LRIT1: variants seen among roughly 807,000 people sequenced by gnomAD.
LRIT1 encodes leucine rich repeat, Ig-like and transmembrane domains 1, also known as leucine-rich repeat, immunoglobulin-like domain and transmembrane domain-containing protein 1.
Under a neutral mutation model 24.0 loss-of-function variants are expected in LRIT1, and 23 were observed. The ratio of observed to expected loss-of-function variants is 0.96; its 90% confidence interval spans 0.69 to 1.36. The LOEUF (loss-of-function observed/expected upper bound fraction) is 1.36, where lower values mean the gene tolerates loss of function less well. Ranked by LOEUF, LRIT1 falls within the 40% of genes most tolerant of loss-of-function variation. The pLI, the probability that LRIT1 is intolerant of heterozygous loss-of-function variation, is 0.00. For synonymous variants in LRIT1, 361 were observed against 340.5 expected (o/e 1.06, Z -0.66); for missense variants, 846 against 806.3 (o/e 1.05, Z -0.60).
In LRIT1 at chr10:84,241,319, T is replaced by C. The variant is rs760142388; in HGVS notation, c.121A>G (p.Arg41Gly). 1 of 1,613,856 alleles carries C rather than the reference T, an allele frequency of 6.2e-7. No homozygotes were observed. Among genetic ancestry groups the C allele is most frequent in the Non-Finnish European group, 8.5e-7 (1 of 1,179,912 alleles). The change falls in exon 1 of 4, where the codon AGG becomes GGG. Residue 41 changes from arginine to glycine, a missense_variant and splice_region_variant. Coordinates refer to ENST00000372105, the MANE Select transcript of LRIT1 (RefSeq NM_015613.3). ...CGTCCCACGCACCCGGTACCATACCTGGCCTTGCTGCCATCACCCATGATA... is the reference window on the plus strand; with the variant it reads ...CGTCCCACGCACCCGGTACCATACCCGGCCTTGCTGCCATCACCCATGATA... ...LHIMGDGSKA[R>G]TVVCNDPDMT...
chr10:84,232,503 C>T lies in LRIT1; in HGVS notation c.1296G>A (p.Arg432=). 6.2e-7 allele frequency: 1 copy of T among 1,614,204 alleles called. No homozygotes were observed. Among genetic ancestry groups the T allele is most frequent in the Non-Finnish European group, 8.5e-7 (1 of 1,180,038 alleles). The change falls in exon 4 of 4, where the codon AGG becomes AGA. Residue 432 remains arginine (R), a synonymous_variant. Transcript: ENST00000372105. The part of the protein sequence containing the change: ...RAGPSEARMV[R]SVKVVGDTYH... ...AAGTGTCCCCCACCACCTTCACAGA[C>T]CTCACCATTCGTGCCTCTGAGGGTC...
At chr10:84,236,297 A>G (rs971504109) in intron 2 of LRIT1, among the ~76,000 whole-genome samples, 2 of 147,338 alleles carry the variant, frequency 1.4e-5, no homozygotes, top group Non-Finnish European at 3.0e-5. Context: ...CTCCGTCTCA[A>G]AAAAAAAAAA....
In LRIT1 at chr10:84,237,694, C is replaced by T; in HGVS notation, c.123-8G>A. 6.4e-7 allele frequency: 1 copy of T among 1,572,464 alleles called. No individual in the cohort carries two copies. The highest frequency in any genetic ancestry group is 8.6e-7 in the Non-Finnish European group (1 of 1,161,036). On this transcript the variant is annotated splice_region_variant and splice_polypyrimidine_tract_variant and intron_variant, in intron 1 of 3. Coordinates refer to ENST00000372105, the MANE Select transcript of LRIT1 (RefSeq NM_015613.3). ...TCGTTGCACACTACTGTCCTGCTGGCAGAAATGAGGGATAGTTGAGCAAGG... is the reference window on the plus strand; with the variant it reads ...TCGTTGCACACTACTGTCCTGCTGGTAGAAATGAGGGATAGTTGAGCAAGG...
chr10:84,238,631 AC>A (rs1318397857), intron 1 of LRIT1, among the ~76,000 whole-genome samples: 1 of 151,960 alleles, frequency 6.6e-6, no homozygotes, highest in Non-Finnish European at 1.5e-5. Flanking sequence ...CATCAAATAG[AC>A]CCCACAAGGT....
Position 84,241,491 on chromosome 10 carries a change from G to A in LRIT1, c.-52C>T, listed in dbSNP as rs773076993. 7.9e-5 allele frequency: 112 copies of A among 1,424,292 alleles called. No homozygotes were observed. Among genetic ancestry groups the A allele is most frequent in the South Asian group, 4.1e-4 (28 of 68,398 alleles). 88.2% of individuals were successfully genotyped at this position (1,424,292 alleles called of 1,614,324 possible). On this transcript the variant is annotated 5_prime_UTR_variant, in exon 1 of 4. It adds an upstream start codon to the 5' untranslated region. Transcript: ENST00000372105. ...CAGGGGCCTGTCCCTGGACCGCTCC[G>A]TCCCACCGGCCCAGCAAGCTCAGCA...
chr10:84,232,006 A>G lies in LRIT1; in HGVS notation c.1793T>C (p.Leu598Pro), dbSNP rs1422288683. 1.9e-6 allele frequency: 3 copies of G among 1,614,018 alleles called. No individual in the cohort carries two copies. Among genetic ancestry groups the G allele is most frequent in the Non-Finnish European group, 1.7e-6 (2 of 1,179,990 alleles). The change falls in exon 4 of 4, where the codon CTT becomes CCT. Residue 598 changes from leucine to proline, a missense_variant. Transcript: ENST00000372105. ...GTCCACACTGGAACGAGCTGAGAGA[A>G]GCCTGTCAGCCTCGCTGACACTGTG... ...SRHSVSEADR[L>P]LSARSSVDFQ...
Position 84,234,148 on chromosome 10 carries a change from G to A in LRIT1, c.820C>T (p.Arg274Cys), listed in dbSNP as rs149261933. The A allele has an allele frequency of 3.5e-5, 56 of 1,612,748 alleles. No homozygotes were observed. Among genetic ancestry groups the A allele is most frequent in the South Asian group, 1.9e-4 (17 of 90,934 alleles). The part of the protein sequence containing the change: ...RSLLGGTALL[R>C]CGATGVPGPE... ...CCAGGGACTCCAGTAGCTCCACAGC[G>A]TAGCAGTGCTGTGCCACCCAAAAGG... Residue 274 changes from arginine (R) to cysteine (C), a missense_variant, in exon 3 of 4, where the codon CGC becomes TGC. Arg to Cys is a radical substitution (Grantham distance 180, BLOSUM62 -3). Coordinates refer to ENST00000372105, the MANE Select transcript of LRIT1 (RefSeq NM_015613.3).
At chr10:84,241,265 G>T in intron 1 of LRIT1, 53 bp downstream of exon 1, 1 of 1,612,128 alleles carries the variant, frequency 6.2e-7, no homozygotes, top group Non-Finnish European at 8.5e-7. Flanking sequence ...ACCCAGCCTA[G>T]CTGGCAAAGC....
Position 84,237,597 on chromosome 10 carries a change from A to C in LRIT1, c.212T>G (p.Ile71Arg). The change falls in exon 2 of 4, where the codon ATA becomes AGA. Residue 71 changes from isoleucine (I) to arginine (R), a missense_variant. Transcript: ENST00000372105. Reference protein sequence around the residue: ...TSRLRLERTAIRRVPGEAFRP... With the variant: ...TSRLRLERTARRRVPGEAFRP... ...GAAGGCCTCGCCAGGAACCCTGCGT[A>C]TGGCCGTCCGCTCCAGGCGCAGTCT... 6.2e-7 allele frequency: 1 copy of C among 1,606,808 alleles called. No individual in the cohort carries two copies. The highest frequency in any genetic ancestry group is 1.1e-5 in the South Asian group (1 of 91,068).
At chr10:84,233,640 A>G (rs191640161) in intron 3 of LRIT1, among the ~76,000 whole-genome samples, 8 of 152,366 alleles carry the variant, frequency 5.3e-5, no homozygotes, top group African/African-American at 7.2e-5. Context: ...CAATGTCATT[A>G]TGTGCATAAT....
chr10:84,235,533 T>C (rs904631950), intron 2 of LRIT1, among the ~76,000 whole-genome samples: 3 of 152,184 alleles, frequency 2.0e-5, no homozygotes, highest in African/African-American at 7.2e-5. Flanking sequence ...AGTTAAACAT[T>C]TTGGCCATTT....
chr10:84,234,052 G>T, intron 3 of LRIT1, 21 bp downstream of exon 3: 2 of 1,461,956 alleles, frequency 1.4e-6, no homozygotes, highest in Middle Eastern at 2.6e-4. Flanking sequence ...TCTCAGTGCA[G>T]CATCCCTGTA....
At position 84,234,377 on chromosome 10, in the gene LRIT1, C is replaced by T; in HGVS notation, c.591G>A (p.Gly197=). ...PPGHHPRRVL[G]LQDNPWACDC... is the part of the protein sequence containing the mutation. The stretch of plus-strand genomic sequence containing the variant: ...CACATGCCCAGGGGTTGTCCTGTAG[C>T]CCTGCAGGAGTAAAAAAGAAGACAA... The change falls in exon 3 of 4, where the codon GGG becomes GGA. Residue 197 remains glycine (G), a splice_region_variant and synonymous_variant. Coordinates refer to ENST00000372105, the MANE Select transcript of LRIT1 (RefSeq NM_015613.3). 6.5e-7 allele frequency: 1 copy of T among 1,528,908 alleles called. No homozygotes were observed. The highest frequency in any genetic ancestry group is 8.8e-7 in the Non-Finnish European group (1 of 1,137,914). 94.7% of individuals were successfully genotyped at this position (1,528,908 alleles called of 1,614,324 possible).
chr10:84,232,023 G>A lies in LRIT1; in HGVS notation c.1776C>T (p.Val592=), dbSNP rs763496428. The change falls in exon 4 of 4, where the codon GTC becomes GTT. Residue 592 remains valine, a synonymous_variant. Coordinates refer to ENST00000372105, the MANE Select transcript of LRIT1 (RefSeq NM_015613.3). ...CTGAGAGAAGCCTGTCAGCCTCGCT[G>A]ACACTGTGCCGGGACAGCTCCTCCA... The part of the protein sequence containing the change: ...DGLEELSRHS[V]SEADRLLSAR... 1 of 1,614,164 alleles carries A rather than the reference G, an allele frequency of 6.2e-7. No individual in the cohort carries two copies. The highest frequency in any genetic ancestry group is 1.6e-4 in the Middle Eastern group (1 of 6,062).
At chr10:84,240,635 G>A (rs1842684372) in intron 1 of LRIT1, among the ~76,000 whole-genome samples, 1 of 152,182 alleles carries the variant, frequency 6.6e-6, no homozygotes, top group African/African-American at 2.4e-5. Flanking sequence ...CCCATGAAAG[G>A]AGAGGAGGAG....
At chr10:84,241,200 C>T (rs1024711420) in intron 1 of LRIT1, 118 bp downstream of exon 1, 11 of 1,465,596 alleles carry the variant, frequency 7.5e-6, no homozygotes, top group Non-Finnish European at 1.0e-5. Context: ...CCCTGGTCCT[C>T]AAGGGCCAAG....
Position 84,232,135 on chromosome 10 carries a change from C to A in LRIT1, c.1664G>T (p.Arg555Leu). 2 of 1,614,150 alleles carry A rather than the reference C, an allele frequency of 1.2e-6. No individual in the cohort carries two copies. The highest frequency in any genetic ancestry group is 8.5e-7 in the Non-Finnish European group (1 of 1,180,016). ...GTCCTTGTTGAAGCACTTTCGGCAGCGCTTCTGAAGAGCACTGCAGCAGAC... is the reference window on the plus strand; with the variant it reads ...GTCCTTGTTGAAGCACTTTCGGCAGAGCTTCTGAAGAGCACTGCAGCAGAC... ...LLVCCSALQKRCRKCFNKDST... is the reference protein window; with the variant it reads ...LLVCCSALQKLCRKCFNKDST... Residue 555 changes from arginine to leucine, a missense_variant, in exon 4 of 4, where the codon CGC becomes CTC. Coordinates refer to ENST00000372105, the MANE Select transcript of LRIT1 (RefSeq NM_015613.3).
At chr10:84,233,496 A>G (rs1202042189) in intron 3 of LRIT1, among the ~76,000 whole-genome samples, 1 of 110,074 alleles carries the variant, frequency 9.1e-6, no homozygotes, top group Admixed American at 8.3e-5. Context: ...GAATTTTGCA[A>G]AGGTGATCAG....
chr10:84,237,462 C>CCTGCCTG lies in LRIT1; in HGVS notation c.346_347insCAGGCAG (p.Gly116AlafsTer36). 1 of 1,566,926 alleles carries CCTGCCTG rather than the reference C, an allele frequency of 6.4e-7. No individual in the cohort carries two copies. Among genetic ancestry groups the CCTGCCTG allele is most frequent in the Non-Finnish European group, 8.6e-7 (1 of 1,159,828 alleles). On this transcript the variant is annotated frameshift_variant, in exon 2 of 4. Coordinates refer to ENST00000372105, the MANE Select transcript of LRIT1 (RefSeq NM_015613.3). LOFTEE classifies it high-confidence loss of function. ...CCAGGGGAAGGCGGCCAGGCGGTTC[C>CCTGCCTG]CGGGCAGCCGCAGCTCCCGCAGGCG...
Sources: allele counts gnomAD v4.1 joint callset (sites outside exome capture counted in the v4.1 genomes callset), GRCh38; gene constraint gnomAD v4.1.1; transcripts MANE v1.5; gene names NCBI Gene and HGNC (gene_info 2026-07-23, HGNC 2026-07-21).